SHB: variants seen among roughly 807,000 people sequenced by gnomAD.
SHB encodes the protein SH2 domain-containing adapter protein B.
SHB carries 20 observed loss-of-function variants against 52.3 expected under a neutral mutation model. That is an observed-to-expected ratio of 0.38 (90% CI 0.27 to 0.56). The LOEUF (loss-of-function observed/expected upper bound fraction) is 0.56. Among genes scored for constraint, SHB ranks in the 20% least tolerant of loss-of-function variants. The probability of loss-of-function intolerance (pLI) is 0.71; values close to 1 mark genes in which losing one functional copy is unlikely to be tolerated. For synonymous variants in SHB, 397 were observed against 316.5 expected, an observed-to-expected ratio of 1.25 and a Z score of -2.70; for missense variants, 825 against 723.3, an observed-to-expected ratio of 1.14 and a Z score of -1.61.
intron 4 of SHB, among the ~76,000 whole-genome samples, chr9:37,955,080 T>C (rs1832613134): frequency 6.6e-6 from 1 of 152,118 alleles, no homozygotes; most frequent in Non-Finnish European, 1.5e-5. Flanking sequence ...TCTAACAGTA[T>C]CAAGCAGACA....
chr9:38,007,791 G>A (rs1821090585), intron 2 of SHB, among the ~76,000 whole-genome samples: 1 of 151,992 alleles, frequency 6.6e-6, no homozygotes, highest in African/African-American at 2.4e-5. Context: ...AAAAAAGTAT[G>A]TAATATGCTA....
intron 2 of SHB, chr9:38,015,234 A>G: frequency 1.7e-6 from 1 of 593,336 alleles, no homozygotes; most frequent in South Asian, 2.0e-5. Context: ...GAGAAGCCAC[A>G]ACAGGGGTTT....
chr9:37,936,522 A>C (rs545568431), intron 5 of SHB, among the ~76,000 whole-genome samples: 4 of 152,308 alleles, frequency 2.6e-5, no homozygotes, highest in Non-Finnish European at 5.9e-5. Context: ...CTGAGTACCT[A>C]TCATGTGCCA....
intron 1 of SHB, among the ~76,000 whole-genome samples, chr9:38,042,923 T>C (rs1166802790): frequency 1.3e-5 from 2 of 152,148 alleles, no homozygotes; most frequent in African/African-American, 4.8e-5. Context: ...GGCCATGCTC[T>C]AGGAGCTGCT....
intron 1 of SHB, among the ~76,000 whole-genome samples, chr9:38,064,348 C>T (rs554945896): frequency 6.6e-6 from 1 of 152,282 alleles, no homozygotes; most frequent in South Asian, 2.1e-4. Flanking sequence ...ACTTCAAGCC[C>T]CTACCTCTCT....
At chr9:37,953,292 T>A (rs1472837784) in intron 4 of SHB, among the ~76,000 whole-genome samples, 2 of 152,118 alleles carry the variant, frequency 1.3e-5, no homozygotes, top group East Asian at 3.9e-4. Context: ...CAACAGCTAT[T>A]TATTCAGCAC....
intron 2 of SHB, among the ~76,000 whole-genome samples, chr9:37,982,532 C>T (rs1040824918): frequency 4.6e-5 from 7 of 152,128 alleles, no homozygotes; most frequent in Admixed American, 6.5e-5. Context: ...GTGGCTCACA[C>T]CTGTAATCCC....
chr9:37,991,767 C>T (rs182140107), intron 2 of SHB, among the ~76,000 whole-genome samples: 106 of 152,348 alleles, frequency 7.0e-4, no homozygotes, highest in African/African-American at 2.4e-3. Flanking sequence ...ATCAGCAAAG[C>T]TCTGAACCAA....
intron 2 of SHB, among the ~76,000 whole-genome samples, chr9:38,004,095 T>G (rs1284761697): frequency 2.0e-5 from 3 of 152,080 alleles, no homozygotes; most frequent in Non-Finnish European, 4.4e-5. Flanking sequence ...TTCCTGGAGG[T>G]GCTCCCAGGC....
rs559684824 is a variant in SHB at position 37,917,544 on chromosome 9, C to A, written c.*2277G>T. Among the ~76,000 whole-genome samples, 10 of 152,346 alleles carry A rather than the reference C, an allele frequency of 6.6e-5. No homozygotes were observed. The highest frequency in any genetic ancestry group is 2.4e-4 in the African/African-American group (10 of 41,572). ...GAACTTGCCAGTGTGAGGTCTCACC[C>A]TCCTCCCCCGCCGGAGGGTTGTTCC... On this transcript the variant is annotated 3_prime_UTR_variant, in exon 6 of 6. Coordinates refer to ENST00000377707, the MANE Select transcript of SHB (RefSeq NM_003028.3).
At chr9:37,984,457 C>A (rs1820779166) in intron 2 of SHB, among the ~76,000 whole-genome samples, 1 of 152,194 alleles carries the variant, frequency 6.6e-6, no homozygotes, top group South Asian at 2.1e-4. Flanking sequence ...TGTCTAGTCA[C>A]CCCATTTTAT....
intron 2 of SHB, among the ~76,000 whole-genome samples, chr9:37,979,881 A>T (rs1310343123): frequency 6.6e-6 from 1 of 152,240 alleles, no homozygotes; most frequent in Non-Finnish European, 1.5e-5. Flanking sequence ...TATTTATATT[A>T]TACTGTAGTT....
At chr9:38,054,655 C>T (rs1457135984) in intron 1 of SHB, among the ~76,000 whole-genome samples, 1 of 152,154 alleles carries the variant, frequency 6.6e-6, no homozygotes, top group African/African-American at 2.4e-5. Flanking sequence ...TTCTCTCTGC[C>T]TTTGAAGATA....
intron 1 of SHB, among the ~76,000 whole-genome samples, chr9:38,030,130 C>G (rs1336293458): frequency 6.6e-6 from 1 of 152,210 alleles, no homozygotes; most frequent in Non-Finnish European, 1.5e-5. Context: ...GCCAATGGAA[C>G]CAGCTATCTG....
chr9:37,982,977 C>CCCCT (rs1554702679), intron 2 of SHB, among the ~76,000 whole-genome samples: 2 of 145,716 alleles, frequency 1.4e-5, no homozygotes, highest in African/African-American at 2.6e-5. Flanking sequence ...TCTGGTGCCC[C>CCCCT]CCCCTCCATC....
chr9:37,918,170 T>C lies in SHB; in HGVS notation c.*1651A>G, dbSNP rs1418971845. Among the ~76,000 whole-genome samples, 1 of 152,234 alleles carries C rather than the reference T, an allele frequency of 6.6e-6. No homozygotes were observed. Among genetic ancestry groups the C allele is most frequent in the Non-Finnish European group, 1.5e-5 (1 of 68,048 alleles). On this transcript the variant is annotated 3_prime_UTR_variant, in exon 6 of 6. Transcript: ENST00000377707. The stretch of plus-strand genomic sequence containing the variant: ...GGGCCAGGGATGACAGTCGTCAAAC[T>C]TCTAGTTCATTCAGACCAGCTGGTG...
intron 1 of SHB, among the ~76,000 whole-genome samples, chr9:38,037,378 C>T (rs530441990): frequency 7.2e-5 from 11 of 152,184 alleles, no homozygotes; most frequent in South Asian, 4.1e-4. Context: ...TCCAGTCACA[C>T]GCAGAGTCAC....
intron 5 of SHB, among the ~76,000 whole-genome samples, chr9:37,936,190 TG>T (rs772730750): frequency 4.6e-5 from 7 of 152,174 alleles, no homozygotes; most frequent in Non-Finnish European, 7.3e-5. Flanking sequence ...CACTCCAGCC[TG>T]GGCGACAGAG....
intron 2 of SHB, among the ~76,000 whole-genome samples, chr9:38,010,814 C>T (rs751198284): frequency 2.0e-5 from 3 of 152,230 alleles, no homozygotes; most frequent in Admixed American, 6.5e-5. Flanking sequence ...AATGACCGAG[C>T]GCACTGCAGA....
Sources: gnomAD v4.1 joint callset for allele counts (sites outside exome capture counted in the v4.1 genomes callset) on GRCh38, gnomAD v4.1.1 for gene constraint, MANE v1.5 for transcripts, NCBI Gene and HGNC (gene_info 2026-07-23, HGNC 2026-07-21) for gene names.